NEK1: variants seen among roughly 807,000 people sequenced by gnomAD.
The protein encoded by NEK1 is NIMA related kinase 1, also known as serine/threonine-protein kinase Nek1.
A neutral mutation model predicts 182.1 loss-of-function variants in NEK1; 137 were observed. The observed-to-expected ratio is 0.75, with a 90% CI of 0.65 to 0.87. The LOEUF is 0.87. Ranked by LOEUF, NEK1 falls within the 40% of genes least tolerant of loss-of-function variation. The pLI, the probability that NEK1 is intolerant of heterozygous loss-of-function variation, is 0.00. For synonymous variants in NEK1, 513 were observed against 492.2 expected (o/e 1.04, Z -0.56); for missense variants, 1,391 against 1,494.4 (o/e 0.93, Z 1.14).
At chr4:169,403,051 TAA>T (rs541518060) in intron 32 of NEK1, among the ~76,000 whole-genome samples, 94 of 152,336 alleles carry the variant, frequency 6.2e-4, no homozygotes, top group African/African-American at 2.2e-3. Flanking sequence ...ACTGAAGAAC[TAA>T]AATATAAACA....
At chr4:169,407,585 G>C (rs989108853) in intron 31 of NEK1, among the ~76,000 whole-genome samples, 1 of 152,172 alleles carries the variant, frequency 6.6e-6, no homozygotes, top group Non-Finnish European at 1.5e-5. Flanking sequence ...AATCCGTACT[G>C]GATAAGGGAT....
chr4:169,508,620 C>T (rs1753697580), intron 20 of NEK1, 149 bp downstream of exon 20: 1 of 565,058 alleles, frequency 1.8e-6, no homozygotes, highest in Non-Finnish European at 2.9e-6. Flanking sequence ...AATTATAACA[C>T]AGAATGTCAG....
intron 5 of NEK1, among the ~76,000 whole-genome samples, chr4:169,591,401 G>C (rs1768489088): frequency 6.6e-6 from 1 of 151,988 alleles, no homozygotes; most frequent in Non-Finnish European, 1.5e-5. Flanking sequence ...GAGTTCCTGA[G>C]ATTCAAGTGT....
intron 13 of NEK1, 118 bp downstream of exon 13, chr4:169,562,019 T>C: frequency 9.2e-7 from 1 of 1,082,504 alleles, no homozygotes; most frequent in Non-Finnish European, 1.3e-6. Context: ...AAAAAGAAGT[T>C]ATAGGTATTC....
chr4:169,600,487 C>T (rs1023876747), intron 4 of NEK1, among the ~76,000 whole-genome samples: 4 of 152,188 alleles, frequency 2.6e-5, no homozygotes, highest in East Asian at 3.9e-4. Flanking sequence ...TGTGAGCCAC[C>T]GCATCCAGCC....
intron 10 of NEK1, among the ~76,000 whole-genome samples, chr4:169,582,854 A>G (rs1365826005): frequency 1.3e-5 from 2 of 152,150 alleles, no homozygotes; most frequent in Non-Finnish European, 2.9e-5. Flanking sequence ...TAGTGGCTGC[A>G]ATATTGAACA....
intron 23 of NEK1, among the ~76,000 whole-genome samples, chr4:169,504,536 A>C (rs1007191630): frequency 3.3e-5 from 5 of 152,212 alleles, no homozygotes; most frequent in South Asian, 2.1e-4. Flanking sequence ...AACACAATGG[A>C]GTACTATTCA....
chr4:169,529,505 A>T (rs942683233), intron 19 of NEK1, among the ~76,000 whole-genome samples: 1 of 152,176 alleles, frequency 6.6e-6, no homozygotes, highest in African/African-American at 2.4e-5. Context: ...AAAAATCTTC[A>T]TGATTGTTGG....
chr4:169,467,674 T>C (rs1745181198), intron 26 of NEK1, among the ~76,000 whole-genome samples: 1 of 152,170 alleles, frequency 6.6e-6, no homozygotes, highest in African/African-American at 2.4e-5. Flanking sequence ...GTAATCCCAT[T>C]GTAAATTGAG....
chr4:169,486,150 T>C (rs965586990), intron 23 of NEK1, among the ~76,000 whole-genome samples: 1 of 152,192 alleles, frequency 6.6e-6, no homozygotes. Flanking sequence ...GAAAGTTTCA[T>C]AATTCAGTTT....
chr4:169,598,331 G>A (rs969430867), intron 5 of NEK1, among the ~76,000 whole-genome samples: 3 of 151,880 alleles, frequency 2.0e-5, no homozygotes, highest in African/African-American at 4.8e-5. Flanking sequence ...ATGTAAAAGC[G>A]GGCAATTAAA....
chr4:169,427,827 A>G (rs965124686), intron 29 of NEK1, among the ~76,000 whole-genome samples: 2 of 149,990 alleles, frequency 1.3e-5, no homozygotes, highest in Non-Finnish European at 1.5e-5. Flanking sequence ...TTATATATAT[A>G]TTTATTTTAA....
intron 5 of NEK1, 148 bp from the exon 6 acceptor site, chr4:169,590,957 T>C (rs1768380526): frequency 6.7e-6 from 4 of 601,122 alleles, no homozygotes; most frequent in South Asian, 2.3e-5. Flanking sequence ...TAAATAGATA[T>C]TCAAGTCAAC....
At chr4:169,550,303 TG>T (rs1188841116) in intron 18 of NEK1, among the ~76,000 whole-genome samples, 2 of 152,210 alleles carry the variant, frequency 1.3e-5, no homozygotes, top group African/African-American at 4.8e-5. Context: ...TACCCAGCCA[TG>T]TGGAACTGTG....
At chr4:169,495,237 G>GTATTTTTTTTTT (rs1201246274) in intron 23 of NEK1, among the ~76,000 whole-genome samples, 1 of 121,024 alleles carries the variant, frequency 8.3e-6, no homozygotes, top group African/African-American at 3.2e-5. Context: ...TAACATTTAA[G>GTATTTTTTTTTT]TCTTTTTTTT....
At chr4:169,553,121 T>C (rs1761671114) in intron 18 of NEK1, among the ~76,000 whole-genome samples, 1 of 152,170 alleles carries the variant, frequency 6.6e-6, no homozygotes, top group Non-Finnish European at 1.5e-5. Context: ...CAACTCAGTA[T>C]TGAAGAACAA....
chr4:169,576,597 T>G (rs1765722883), intron 12 of NEK1: 1 of 174,520 alleles, frequency 5.7e-6, no homozygotes, highest in Non-Finnish European at 1.2e-5. Flanking sequence ...TACCAAATAT[T>G]TCCAGATTTT....
At chr4:169,450,019 C>T (rs531614861) in intron 27 of NEK1, among the ~76,000 whole-genome samples, 29 of 152,282 alleles carry the variant, frequency 1.9e-4, no homozygotes, top group African/African-American at 6.3e-4. Context: ...GGCATGAGAA[C>T]TTCGTGACAC....
intron 18 of NEK1, among the ~76,000 whole-genome samples, chr4:169,550,198 T>C (rs1761203053): frequency 6.6e-6 from 1 of 151,570 alleles, no homozygotes; most frequent in Admixed American, 6.6e-5. Flanking sequence ...TCTGATGGTT[T>C]TATAAAGGAG....
Sources: allele counts gnomAD v4.1 joint callset (sites outside exome capture counted in the v4.1 genomes callset), GRCh38; gene constraint gnomAD v4.1.1; transcripts MANE v1.5; gene names NCBI Gene and HGNC (gene_info 2026-07-23, HGNC 2026-07-21).